ATP10D: variants seen among roughly 807,000 people sequenced by gnomAD.
ATP10D encodes ATPase phospholipid transporting 10D (putative).
Under a neutral mutation model 144.8 loss-of-function variants are expected in ATP10D, and 89 were observed. The observed-to-expected ratio is 0.61, with a 90% CI of 0.52 to 0.73. The LOEUF (loss-of-function observed/expected upper bound fraction) is 0.73, where lower values mean the gene tolerates loss of function less well. Among genes scored for constraint, ATP10D ranks in the 30% least tolerant of loss-of-function variants. The probability of loss-of-function intolerance (pLI) is 0.00; values close to 1 mark genes in which losing one functional copy is unlikely to be tolerated. For synonymous variants in ATP10D, 571 were observed against 615.1 expected (o/e 0.93, Z 1.06); for missense variants, 1,603 against 1,714.8 (o/e 0.93, Z 1.15).
intron 14 of ATP10D, among the ~76,000 whole-genome samples, chr4:47,561,498 A>C (rs181026257): frequency 2.0e-5 from 3 of 152,300 alleles, no homozygotes; most frequent in Admixed American, 1.3e-4. Flanking sequence ...GGCACAGAGC[A>C]GTTCAATGAC....
At chr4:47,488,612 C>CAAAAAAAAAAAAAAAAA (rs56859197) in intron 1 of ATP10D, among the ~76,000 whole-genome samples, 24 of 91,306 alleles carry the variant, frequency 2.6e-4, no homozygotes, top group Admixed American at 3.7e-4. Flanking sequence ...ATATAATAAG[C>CAAAAAAAAAAAAAAAAA]AAAAAAAAAA....
intron 5 of ATP10D, among the ~76,000 whole-genome samples, chr4:47,532,944 G>C (rs116016675): frequency 0.04 from 6,139 of 152,214 alleles, 395 homozygotes; most frequent in African/African-American, 0.14. Context: ...GTGACAGCCA[G>C]TGCCTCATAC....
In ATP10D at chr4:47,533,768, G is replaced by A. The variant is rs113758017; in HGVS notation, c.777-1741G>A. ...AAAAAAGTAGAAAGAAAAGTATAACGAACACCCATGTGGCGTCACTCAGCC... is the reference window on the plus strand; with the variant it reads ...AAAAAAGTAGAAAGAAAAGTATAACAAACACCCATGTGGCGTCACTCAGCC... On this transcript the variant is annotated intron_variant, in intron 5 of 22. Transcript: ENST00000273859. Among the ~76,000 whole-genome samples, 694 of 152,144 alleles carry A rather than the reference G, an allele frequency of 4.6e-3. 5 individuals are homozygous for A. Among genetic ancestry groups the A allele is most frequent in the African/African-American group, 0.016 (671 of 41,504 alleles).
chr4:47,554,638 C>A, intron 10 of ATP10D, 88 bp from the exon 11 acceptor site: 1 of 1,042,876 alleles, frequency 9.6e-7, no homozygotes, highest in South Asian at 2.0e-5. Flanking sequence ...TCATTTAGAT[C>A]CTGGCTATAC....
In ATP10D at chr4:47,558,026, C is replaced by T. The variant is rs768777604; in HGVS notation, c.2187C>T (p.Asp729=). The T allele has an allele frequency of 3.2e-5, 52 of 1,614,058 alleles. No individual in the cohort carries two copies. Among genetic ancestry groups the T allele is most frequent in the South Asian group, 7.7e-5 (7 of 91,086 alleles). The change falls in exon 12 of 23, where the codon GAC becomes GAT. Residue 729 remains aspartate (D), a synonymous_variant. Coordinates refer to ENST00000273859, the MANE Select transcript of ATP10D (RefSeq NM_020453.4). The part of the protein sequence containing the change: ...CNLCYEAESP[D]EAALVYAARA... Reference sequence around the variant, plus strand: ...TGTGTTATGAGGCCGAGAGCCCAGACGAAGCGGCCTTAGTGTATGCCGCCA... The same window carrying T: ...TGTGTTATGAGGCCGAGAGCCCAGATGAAGCGGCCTTAGTGTATGCCGCCA...
At chr4:47,559,054 C>G in intron 13 of ATP10D, 25 bp downstream of exon 13, 1 of 1,582,260 alleles carries the variant, frequency 6.3e-7, no homozygotes, top group Non-Finnish European at 8.7e-7. Flanking sequence ...TGCGCTCCAT[C>G]TTTTTTGTTT....
intron 2 of ATP10D, among the ~76,000 whole-genome samples, chr4:47,514,134 G>A (rs1473972017): frequency 6.6e-6 from 1 of 152,230 alleles, no homozygotes; most frequent in Non-Finnish European, 1.5e-5. Flanking sequence ...GCCAATGCAA[G>A]TAAAGAGATT....
intron 15 of ATP10D, among the ~76,000 whole-genome samples, chr4:47,568,087 T>G (rs1719736076): frequency 6.6e-6 from 1 of 152,240 alleles, no homozygotes; most frequent in Non-Finnish European, 1.5e-5. Flanking sequence ...TGATCCTCTT[T>G]TAAGCCTCAT....
In ATP10D at chr4:47,558,997, C is replaced by A; in HGVS notation, c.2509C>A (p.Gln837Lys). ...GAAGCACTTGGATGACTATGCCAAA[C>A]AAGGCCTTCGTACTTTATGTATAGC... The part of the protein sequence containing the change: ...TQKHLDDYAK[Q>K]GLRTLCIAKK... Residue 837 changes from glutamine (Q) to lysine (K), a missense_variant, in exon 13 of 23, where the codon CAA becomes AAA. Gln to Lys is a moderately conservative substitution (Grantham distance 53). Transcript: ENST00000273859. 6.2e-7 allele frequency: 1 copy of A among 1,614,130 alleles called. No homozygotes were observed. The highest frequency in any genetic ancestry group is 8.5e-7 in the Non-Finnish European group (1 of 1,179,982).
Position 47,563,670 on chromosome 4 carries a change from A to G in ATP10D, c.2758A>G (p.Thr920Ala). 3 of 1,614,000 alleles carry G rather than the reference A, an allele frequency of 1.9e-6. No individual in the cohort carries two copies. The highest frequency in any genetic ancestry group is 2.5e-6 in the Non-Finnish European group (3 of 1,179,952). Reference protein sequence around the residue: ...HKAGIKIWMLTGDKQETAVNI... With the variant: ...HKAGIKIWMLAGDKQETAVNI... ...AGCGGGCATCAAGATCTGGATGCTG[A>G]CAGGGGACAAGCAGGAGACAGCTGT... The change falls in exon 15 of 23, where the codon ACA (threonine) becomes GCA (alanine). Residue 920 changes from threonine (T) to alanine (A), a missense_variant. Coordinates refer to ENST00000273859, the MANE Select transcript of ATP10D (RefSeq NM_020453.4).
rs114751155 is a variant in ATP10D at position 47,537,116 on chromosome 4, G to C, written c.1396+178G>C. 7.8e-3 allele frequency among the ~76,000 whole-genome samples: 1,182 copies of C among 152,264 alleles called. 18 individuals are homozygous for C. The highest frequency in any genetic ancestry group is 0.026 in the African/African-American group (1,101 of 41,550). On this transcript the variant is annotated intron_variant, in intron 9 of 22. Transcript: ENST00000273859. ...TTCCTTCAAAAGCTAGTAGGTTAAA[G>C]TCAAGGAGTCTACTGCCATGGTTTC...
chr4:47,517,138 G>T (rs926515584), intron 3 of ATP10D, among the ~76,000 whole-genome samples: 66 of 152,310 alleles, frequency 4.3e-4, no homozygotes, highest in African/African-American at 1.1e-3. Flanking sequence ...TTCAGGCCAG[G>T]TGCAGTGGCT....
At chr4:47,537,239 C>G (rs1171667875) in intron 9 of ATP10D, among the ~76,000 whole-genome samples, 2 of 152,100 alleles carry the variant, frequency 1.3e-5, no homozygotes, top group Non-Finnish European at 2.9e-5. Context: ...GCTGATGAAA[C>G]TATGGGCCAT....
At chr4:47,514,072 A>G (rs1274786759) in intron 2 of ATP10D, among the ~76,000 whole-genome samples, 3 of 152,214 alleles carry the variant, frequency 2.0e-5, no homozygotes, top group Non-Finnish European at 2.9e-5. Flanking sequence ...AAACAAGAGT[A>G]AAAAGAACCT....
chr4:47,581,114 C>T (rs1477666900), intron 20 of ATP10D, among the ~76,000 whole-genome samples: 3 of 152,080 alleles, frequency 2.0e-5, no homozygotes, highest in Non-Finnish European at 4.4e-5. Context: ...TTAGTGAGTG[C>T]TGGGCTAATT....
At chr4:47,514,173 A>G (rs995243227) in intron 2 of ATP10D, among the ~76,000 whole-genome samples, 1 of 152,238 alleles carries the variant, frequency 6.6e-6, no homozygotes, top group African/African-American at 2.4e-5. Context: ...TTCCACATAC[A>G]TTCATTCTCA....
At chr4:47,504,379 A>G (rs1052836896) in intron 1 of ATP10D, among the ~76,000 whole-genome samples, 1 of 152,154 alleles carries the variant, frequency 6.6e-6, no homozygotes, top group African/African-American at 2.4e-5. Flanking sequence ...AAGATATCAA[A>G]CCATCTTGAT....
chr4:47,510,758 G>T (rs1248695555), intron 1 of ATP10D, among the ~76,000 whole-genome samples: 1 of 152,204 alleles, frequency 6.6e-6, no homozygotes, highest in Non-Finnish European at 1.5e-5. Flanking sequence ...TTTAAAAAGG[G>T]AAGTGAGATT....
intron 5 of ATP10D, among the ~76,000 whole-genome samples, chr4:47,527,214 G>A (rs573974060): frequency 1.9e-4 from 29 of 152,134 alleles, no homozygotes; most frequent in African/African-American, 5.8e-4. Context: ...AAAGGTTATC[G>A]TTTCAACAAA....
Sources: allele counts gnomAD v4.1 joint callset (sites outside exome capture counted in the v4.1 genomes callset), GRCh38; gene constraint gnomAD v4.1.1; transcripts MANE v1.5; gene names NCBI Gene and HGNC (gene_info 2026-07-23, HGNC 2026-07-21).